EDIL3: variants seen among roughly 807,000 people sequenced by gnomAD.
EDIL3 encodes the protein EGF-like repeat and discoidin I-like domain-containing protein 3.
In EDIL3, 37 loss-of-function variants were observed where a neutral mutation model predicts 67.4. The observed-to-expected ratio is 0.55, with a 90% CI of 0.42 to 0.72. The LOEUF (loss-of-function observed/expected upper bound fraction) is 0.72, where lower values mean the gene tolerates loss of function less well. Ranked by LOEUF, EDIL3 falls within the 30% of genes least tolerant of loss-of-function variation. EDIL3 has a pLI of 0.00. For synonymous variants in EDIL3, 195 were observed against 196.3 expected (o/e 0.99, Z 0.05); for missense variants, 527 against 586.3 (o/e 0.90, Z 1.04).
chr5:84,278,483 T>C (rs1315685728), intron 1 of EDIL3, among the ~76,000 whole-genome samples: 1 of 152,190 alleles, frequency 6.6e-6, no homozygotes, highest in East Asian at 1.9e-4. Flanking sequence ...AAAACTCTGA[T>C]TTCTGATCTT....
At chr5:84,338,084 G>A (rs914193548) in intron 1 of EDIL3, among the ~76,000 whole-genome samples, 1 of 152,028 alleles carries the variant, frequency 6.6e-6, no homozygotes, top group African/African-American at 2.4e-5. Context: ...TTAGATTTAT[G>A]CTATTTTAAA....
intron 9 of EDIL3, among the ~76,000 whole-genome samples, chr5:83,967,044 T>G (rs544887678): frequency 1.5e-4 from 23 of 152,222 alleles, no homozygotes; most frequent in African/African-American, 4.8e-4. Flanking sequence ...TGTAACGTTC[T>G]GGGTATGGTG....
chr5:84,038,948 T>C (rs1580293212), intron 9 of EDIL3, among the ~76,000 whole-genome samples: 1 of 152,320 alleles, frequency 6.6e-6, no homozygotes, highest in East Asian at 1.9e-4. Flanking sequence ...GCATATTTTA[T>C]AGGCCTGATA....
At chr5:84,358,202 C>A (rs1366913758) in intron 1 of EDIL3, among the ~76,000 whole-genome samples, 2 of 152,170 alleles carry the variant, frequency 1.3e-5, no homozygotes, top group Non-Finnish European at 2.9e-5. Context: ...CTGGTTTTCT[C>A]TAACTAATGC....
intron 10 of EDIL3, among the ~76,000 whole-genome samples, chr5:83,949,968 A>G (rs1264180696): frequency 6.6e-6 from 1 of 151,854 alleles, no homozygotes; most frequent in East Asian, 1.9e-4. Flanking sequence ...GGAGGAAACT[A>G]AGGTTAGCCA....
intron 2 of EDIL3, among the ~76,000 whole-genome samples, chr5:84,242,316 G>C (rs887088063): frequency 4.6e-5 from 7 of 152,082 alleles, no homozygotes; most frequent in African/African-American, 1.7e-4. Context: ...AAGGTGGAGA[G>C]AGATTAAGTA....
At chr5:84,141,572 GA>G (rs1275547015) in intron 4 of EDIL3, among the ~76,000 whole-genome samples, 101 of 147,848 alleles carry the variant, frequency 6.8e-4, no homozygotes, top group African/African-American at 2.4e-3. Flanking sequence ...GAAGAAGAAA[GA>G]AGAAGAAAGA....
In EDIL3 at chr5:84,148,953, T is replaced by C. The variant is rs1252413618; in HGVS notation, c.356-11599A>G. Among the ~76,000 whole-genome samples, 3 of 96,614 alleles carry C rather than the reference T, an allele frequency of 3.1e-5. No individual in the cohort carries two copies. The Admixed American group carries it at 3.2e-4, about 10-fold the overall frequency. 63.4% of individuals were successfully genotyped at this position (96,614 alleles called of 152,430 possible). ...AATTTTCAGGCAGACCCTCTTGTTT[T>C]AAAAAACAACAAAAACGACAAAAAA... is the stretch of plus-strand genomic sequence containing the variant. On this transcript the variant is annotated intron_variant, in intron 4 of 10. Coordinates refer to ENST00000296591, the MANE Select transcript of EDIL3 (RefSeq NM_005711.5).
intron 3 of EDIL3, among the ~76,000 whole-genome samples, chr5:84,199,968 C>T (rs1743798061): frequency 6.6e-6 from 1 of 152,018 alleles, no homozygotes; most frequent in Admixed American, 6.6e-5. Flanking sequence ...GGAAAAGAAG[C>T]CCTTCCCATG....
intron 9 of EDIL3, among the ~76,000 whole-genome samples, chr5:84,021,964 C>T (rs1405696426): frequency 1.3e-5 from 2 of 151,848 alleles, no homozygotes; most frequent in African/African-American, 4.8e-5. Flanking sequence ...CCTAATTCTA[C>T]CAAATGTATA....
intron 9 of EDIL3, among the ~76,000 whole-genome samples, chr5:83,978,537 T>C (rs1580262229): frequency 6.6e-6 from 1 of 151,948 alleles, no homozygotes; most frequent in Non-Finnish European, 1.5e-5. Flanking sequence ...AAAACCTAGA[T>C]AATTTGCTGC....
intron 3 of EDIL3, among the ~76,000 whole-genome samples, chr5:84,224,130 C>T (rs73140593): frequency 0.015 from 2,298 of 151,346 alleles, 58 homozygotes; most frequent in African/African-American, 0.053. Flanking sequence ...CAATAAGTTA[C>T]GGTTGTAGTT....
rs1189590387 is a variant in EDIL3, at chr5:84,356,889, C to CTTTTTTTTT, written c.67+27410_67+27418dup. 1.5e-3 allele frequency among the ~76,000 whole-genome samples: 47 copies of CTTTTTTTTT among 32,070 alleles called. 1 individual carries two copies. Among genetic ancestry groups the CTTTTTTTTT allele is most frequent in the Non-Finnish European group, 2.2e-3 (34 of 15,574 alleles). The allele number at this position is 32,070 out of a possible 152,430, so 21.0% of individuals were successfully genotyped here. A position where few individuals can be genotyped will look rare whatever the true frequency, so the allele number is the denominator to read the frequency against. On this transcript the variant is annotated intron_variant, in intron 1 of 10. Coordinates refer to ENST00000296591, the MANE Select transcript of EDIL3 (RefSeq NM_005711.5). ...GACCTTGAGAAAACAATCTTTCTTT[C>CTTTTTTTTT]TTTTTTTTTTTTTTTTTTTTTTTTT...
At chr5:84,213,406 T>G (rs1015742644) in intron 3 of EDIL3, among the ~76,000 whole-genome samples, 2 of 152,184 alleles carry the variant, frequency 1.3e-5, no homozygotes, top group Non-Finnish European at 2.9e-5. Flanking sequence ...TGAAATGAAA[T>G]AGTTTCAAAG....
intron 3 of EDIL3, among the ~76,000 whole-genome samples, chr5:84,203,759 T>C (rs561016329): frequency 3.2e-4 from 49 of 151,596 alleles, no homozygotes; most frequent in Admixed American, 7.3e-4. Context: ...GACAATACTC[T>C]TTACTTTTAG....
chr5:84,344,648 T>C (rs1747200595), intron 1 of EDIL3, among the ~76,000 whole-genome samples: 1 of 152,108 alleles, frequency 6.6e-6, no homozygotes, highest in South Asian at 2.1e-4. Flanking sequence ...AACAAAAATG[T>C]AATATGTCAT....
chr5:84,042,245 T>A (rs2112214891), intron 9 of EDIL3, among the ~76,000 whole-genome samples: 1 of 152,218 alleles, frequency 6.6e-6, no homozygotes, highest in South Asian at 2.1e-4. Flanking sequence ...ACAAAAACCT[T>A]CTTATCATTT....
chr5:84,236,867 A>G (rs1166044472), intron 2 of EDIL3, among the ~76,000 whole-genome samples: 2 of 152,032 alleles, frequency 1.3e-5, no homozygotes, highest in East Asian at 3.8e-4. Context: ...AGAAACTTGT[A>G]AGGGATAAAG....
Position 84,338,832 on chromosome 5 carries a change from G to C in EDIL3, c.67+45476C>G, listed in dbSNP as rs1427912867. ...CCAGATATGTGGGCATATGACCTGT[G>C]AAATCACACAGGGCCCCCATACTTT... On this transcript the variant is annotated intron_variant, in intron 1 of 10. Transcript: ENST00000296591. Among the ~76,000 whole-genome samples, 3 of 152,144 alleles carry C rather than the reference G, an allele frequency of 2.0e-5. No homozygotes were observed. In the East Asian group the frequency reaches 5.8e-4, roughly 29 times the overall value.
Sources: gnomAD v4.1 joint callset for allele counts (sites outside exome capture counted in the v4.1 genomes callset) on GRCh38, gnomAD v4.1.1 for gene constraint, MANE v1.5 for transcripts, NCBI Gene and HGNC (gene_info 2026-07-23, HGNC 2026-07-21) for gene names.